MT1H: variants seen among roughly 807,000 people sequenced by gnomAD.
The protein encoded by MT1H is metallothionein-1H.
MT1H carries 8 observed loss-of-function variants against 8.7 expected under a neutral mutation model. The observed-to-expected ratio is 0.92, with a 90% CI of 0.54 to 1.66. MT1H has a LOEUF of 1.66. MT1H is among the 40% of genes most tolerant of loss of function. The pLI is 0.00. For synonymous variants in MT1H, 32 were observed against 28.9 expected (o/e 1.11, Z -0.34); for missense variants, 84 against 75.2 (o/e 1.12, Z -0.43).
In MT1H at chr16:56,670,928, C is replaced by A; in HGVS notation, c.125C>A (p.Ala42Asp). The change falls in exon 3 of 3, where the codon GCC becomes GAC. Residue 42 changes from alanine to aspartate, a missense_variant. Transcript: ENST00000332374. ...TGCTCCTGTTGCCCCCTGGGCTGTG[C>A]CAAGTGTGCCCAGGGCTGCATCTGC... The part of the protein sequence containing the change: ...SCCSCCPLGC[A>D]KCAQGCICKG... The A allele has an allele frequency of 6.2e-7, 1 of 1,614,224 alleles. No homozygotes were observed. Among genetic ancestry groups the A allele is most frequent in the Non-Finnish European group, 8.5e-7 (1 of 1,180,036 alleles).
chr16:56,670,370 C>G, intron 1 of MT1H, 136 bp from the exon 2 acceptor site: 20 of 1,331,732 alleles, frequency 1.5e-5, no homozygotes, highest in Non-Finnish European at 2.1e-5. Context: ...GATGGGTCTT[C>G]TCTTCTTCTG....
At chr16:56,670,701 C>G (rs938194285) in intron 2 of MT1H, 130 bp downstream of exon 2, 3 of 1,559,864 alleles carry the variant, frequency 1.9e-6, no homozygotes, top group African/African-American at 2.7e-5. Flanking sequence ...TCTGCTCTGT[C>G]CAGGGCTCCT....
chr16:56,669,906 G>C lies in MT1H; in HGVS notation c.22G>C (p.Glu8Gln), dbSNP rs1960848815. ...TGCAATGGACCCCAACTGCTCCTGC[G>C]AGGCTGGTAAGGAACGCCCGGGTTC... The part of the protein sequence containing the change: MDPNCSC[E>Q]AGGSCACAGS... The change falls in exon 1 of 3, where the codon GAG (glutamate) becomes CAG (glutamine). Residue 8 changes from glutamate to glutamine, a missense_variant. By Grantham distance (29) the Glu-to-Gln change is conservative. Coordinates refer to ENST00000332374, the MANE Select transcript of MT1H (RefSeq NM_005951.2). The C allele has an allele frequency of 6.2e-7, 1 of 1,614,020 alleles. No individual in the cohort carries two copies. Among genetic ancestry groups the C allele is most frequent in the African/African-American group, 1.3e-5 (1 of 74,924 alleles).
At chr16:56,669,964 T>G in intron 1 of MT1H, 52 bp downstream of exon 1, 1 of 1,612,192 alleles carries the variant, frequency 6.2e-7, no homozygotes, top group Non-Finnish European at 8.5e-7. Context: ...CCAGACACCA[T>G]AGAGAGTGTC....
In MT1H at chr16:56,670,546, G is replaced by A. The variant is rs771653160; in HGVS notation, c.69G>A (p.Lys23=). 1.9e-6 allele frequency: 3 copies of A among 1,614,274 alleles called. No individual in the cohort carries two copies. The South Asian group carries it at 3.3e-5, about 18-fold the overall frequency. ...GCGCCGGCTCCTGCAAGTGCAAAAA[G>A]TGCAAATGCACCTCCTGCAAGAAGA... is the stretch of plus-strand genomic sequence containing the variant. The part of the protein sequence containing the change: ...CACAGSCKCK[K]CKCTSCKKSC... The change falls in exon 2 of 3, where the codon AAG becomes AAA. Residue 23 remains lysine, a synonymous_variant. Coordinates refer to ENST00000332374, the MANE Select transcript of MT1H (RefSeq NM_005951.2).
chr16:56,669,919 A>C lies in MT1H; in HGVS notation c.28+7A>C, dbSNP rs1202371917. On this transcript the variant is annotated splice_region_variant and intron_variant, in intron 1 of 2. Transcript: ENST00000332374. ...AACTGCTCCTGCGAGGCTGGTAAGG[A>C]ACGCCCGGGTTCTGTGCCTTAGGAT... 1.2e-6 allele frequency: 2 copies of C among 1,612,866 alleles called. No homozygotes were observed. The highest frequency in any genetic ancestry group is 2.2e-5 in the South Asian group (2 of 91,060).
Position 56,670,884 on chromosome 16 carries a change from CCCT to C in MT1H, c.95-13_95-11del, listed in dbSNP as rs1432821370. On this transcript the variant is annotated splice_polypyrimidine_tract_variant and intron_variant, in intron 2 of 2. Coordinates refer to ENST00000332374, the MANE Select transcript of MT1H (RefSeq NM_005951.2). ...GTCAAGTCTGCTGTGACTTCTCTCTCCCTTTTTCCCCAGGCTGCTGCTCCTGTT... is the reference window on the plus strand; with the variant it reads ...GTCAAGTCTGCTGTGACTTCTCTCTCTTTTCCCCAGGCTGCTGCTCCTGTT... 6.2e-7 allele frequency: 1 copy of C among 1,613,730 alleles called. No homozygotes were observed. Among genetic ancestry groups the C allele is most frequent in the Non-Finnish European group, 8.5e-7 (1 of 1,179,864 alleles).
At position 56,670,544 on chromosome 16, in the gene MT1H, A is replaced by G. The variant is rs747809415; in HGVS notation, c.67A>G (p.Lys23Glu). The G allele has an allele frequency of 3.1e-6, 5 of 1,614,100 alleles. No homozygotes were observed. The highest frequency in any genetic ancestry group is 1.3e-5 in the African/African-American group (1 of 74,942). The change falls in exon 2 of 3, where the codon AAG becomes GAG. Residue 23 changes from lysine (K) to glutamate (E), a missense_variant. By Grantham distance (56) the Lys-to-Glu change is moderately conservative (BLOSUM62 1). Transcript: ENST00000332374. The part of the protein sequence containing the change: ...CACAGSCKCK[K>E]CKCTSCKKSC... ...CTGCGCCGGCTCCTGCAAGTGCAAA[A>G]AGTGCAAATGCACCTCCTGCAAGAA...
At chr16:56,670,011 T>G in intron 1 of MT1H, 99 bp downstream of exon 1, 1 of 1,510,036 alleles carries the variant, frequency 6.6e-7, no homozygotes, top group Non-Finnish European at 9.1e-7. Context: ...CGATCTGAGC[T>G]GAAGAGGACT....
At position 56,669,874 on chromosome 16, in the gene MT1H, C is replaced by A. The variant is rs756024758; in HGVS notation, c.-11C>A. The A allele has an allele frequency of 1.2e-6, 2 of 1,614,146 alleles. No homozygotes were observed. The highest frequency in any genetic ancestry group is 3.3e-5 in the Admixed American group (2 of 60,018). Reference sequence around the variant, plus strand: ...TCTCGCTTGGGAACTCCAGTCTCACCTCGGCTTGCAATGGACCCCAACTGC... The same window carrying A: ...TCTCGCTTGGGAACTCCAGTCTCACATCGGCTTGCAATGGACCCCAACTGC... On this transcript the variant is annotated 5_prime_UTR_variant, in exon 1 of 3. Transcript: ENST00000332374.
Position 56,670,970 on chromosome 16 carries a change from A to G in MT1H, c.167A>G (p.Lys56Arg). 6.2e-7 allele frequency: 1 copy of G among 1,614,256 alleles called. No homozygotes were observed. The highest frequency in any genetic ancestry group is 8.5e-7 in the Non-Finnish European group (1 of 1,180,044). Residue 56 changes from lysine to arginine, a missense_variant, in exon 3 of 3, where the codon AAG becomes AGG. Coordinates refer to ENST00000332374, the MANE Select transcript of MT1H (RefSeq NM_005951.2). ...TGCATCTGCAAAGGGGCGTCAGAGA[A>G]GTGCAGCTGCTGTGCCTGATGTCGG... ...QGCICKGASE[K>R]CSCCA
intron 1 of MT1H, 23 bp from the exon 2 acceptor site, chr16:56,670,483 C>A: frequency 6.2e-7 from 1 of 1,614,244 alleles, no homozygotes; most frequent in South Asian, 1.1e-5. Flanking sequence ...TCACAACACA[C>A]TGGCTTTTTC....
Position 56,669,817 on chromosome 16 carries a change from A to G in MT1H, c.-68A>G. ...GAGCTGCCAACTGTTGCGCTCCACC[A>G]CGCCCTCCACGTGTTCCACTGCCTC... is the stretch of plus-strand genomic sequence containing the variant. On this transcript the variant is annotated 5_prime_UTR_variant, in exon 1 of 3. Coordinates refer to ENST00000332374, the MANE Select transcript of MT1H (RefSeq NM_005951.2). 1.9e-6 allele frequency: 3 copies of G among 1,612,906 alleles called. No homozygotes were observed. Among genetic ancestry groups the G allele is most frequent in the Middle Eastern group, 1.7e-4 (1 of 5,782 alleles).
At position 56,670,657 on chromosome 16, in the gene MT1H, T is replaced by C. The variant is rs758150967; in HGVS notation, c.94+86T>C. The C allele has an allele frequency of 1.2e-5, 20 of 1,607,816 alleles. No homozygotes were observed. In the African/African-American group the frequency reaches 1.7e-4, roughly 14 times the overall value. ...GGCTGGCCCTGAGTGCCTGCTTCCT[T>C]TGTCCCCCTAGGCCGTCACTGCCTT... On this transcript the variant is annotated intron_variant, in intron 2 of 2. Coordinates refer to ENST00000332374, the MANE Select transcript of MT1H (RefSeq NM_005951.2).
At chr16:56,670,646 G>A in intron 2 of MT1H, 75 bp downstream of exon 2, 1 of 1,612,356 alleles carries the variant, frequency 6.2e-7, no homozygotes, top group Non-Finnish European at 8.5e-7. Context: ...GGCCCTGAGT[G>A]CCTGCTTCCT....
chr16:56,670,601 G>A (rs765082356), intron 2 of MT1H, 30 bp downstream of exon 2: 1 of 1,614,220 alleles, frequency 6.2e-7, no homozygotes, highest in Non-Finnish European at 8.5e-7. Flanking sequence ...CAGGAATCTG[G>A]GGCTGTGGCT....
At chr16:56,670,003 A>G in intron 1 of MT1H, 91 bp downstream of exon 1, 1 of 1,564,642 alleles carries the variant, frequency 6.4e-7, no homozygotes, top group Non-Finnish European at 8.8e-7. Flanking sequence ...ATATTTTGCG[A>G]TCTGAGCTGA....
In MT1H at chr16:56,671,043, A is replaced by ATT. The variant is rs71381131; in HGVS notation, c.*63_*64dup. On this transcript the variant is annotated 3_prime_UTR_variant, in exon 3 of 3. Transcript: ENST00000332374. ...AACAGAATGACACGTAAAATCCAGG[A>ATT]TTTTTTTTTTCTACAACTCCGACTC... 202 of 1,496,048 alleles carry ATT rather than the reference A, an allele frequency of 1.4e-4. No individual in the cohort carries two copies. The highest frequency in any genetic ancestry group is 5.5e-4 in the Admixed American group (26 of 47,144). 92.7% of individuals were successfully genotyped at this position (1,496,048 alleles called of 1,614,324 possible).
intron 1 of MT1H, 35 bp from the exon 2 acceptor site, chr16:56,670,467 TCTCA>T (rs1489117172): frequency 1.2e-6 from 2 of 1,614,136 alleles, no homozygotes; most frequent in East Asian, 2.2e-5. Context: ...AACTTCTGCA[TCTCA>T]CTCACAACAC....
Sources: allele counts gnomAD v4.1 joint callset, GRCh38; gene constraint gnomAD v4.1.1; transcripts MANE v1.5; gene names NCBI Gene and HGNC (gene_info 2026-07-23, HGNC 2026-07-21).